SGCG: variants seen among roughly 807,000 people sequenced by gnomAD.
The protein encoded by SGCG is gamma-sarcoglycan.
In SGCG, 26 loss-of-function variants were observed where a neutral mutation model predicts 29.3. That is an observed-to-expected ratio of 0.89 (90% CI 0.65 to 1.23). The LOEUF (loss-of-function observed/expected upper bound fraction) is 1.23. Among genes scored for constraint, SGCG ranks in the 50% most tolerant of loss-of-function variants. The probability of loss-of-function intolerance (pLI) is 0.00; values close to 1 mark genes in which losing one functional copy is unlikely to be tolerated. For missense variants in SGCG, 353 were observed against 356.0 expected (o/e 0.99, Z 0.07); for synonymous variants, 145 against 129.7 (o/e 1.12, Z -0.80).
chr13:23,171,650 G>A, the SGCG span, among the ~76,000 whole-genome samples: 1 of 152,166 alleles, frequency 6.6e-6, no homozygotes, highest in East Asian at 1.9e-4. Context: ...GGACATAGGG[G>A]ATGGTTTCAG....
intron 5 of SGCG, among the ~76,000 whole-genome samples, chr13:23,288,214 A>G (rs984304339): frequency 6.6e-6 from 1 of 152,202 alleles, no homozygotes; most frequent in Non-Finnish European, 1.5e-5. Flanking sequence ...TTGACAGCCA[A>G]GGAAAGAGAA....
At chr13:23,238,189 A>G (rs1269816309) in intron 3 of SGCG, among the ~76,000 whole-genome samples, 2 of 152,164 alleles carry the variant, frequency 1.3e-5, no homozygotes, top group South Asian at 2.1e-4. Context: ...AGGGGAGCCA[A>G]TGCAGACACA....
At chr13:23,224,919 G>A (rs1435928589) in intron 2 of SGCG, among the ~76,000 whole-genome samples, 11 of 151,878 alleles carry the variant, frequency 7.2e-5, no homozygotes, top group Middle Eastern at 3.4e-3. Context: ...TGCTTCCAAC[G>A]TGCAGTCAAG....
At chr13:23,286,489 G>A (rs1020951178) in intron 5 of SGCG, among the ~76,000 whole-genome samples, 17 of 152,166 alleles carry the variant, frequency 1.1e-4, no homozygotes, top group Non-Finnish European at 2.2e-4. Context: ...GACTGACAAT[G>A]CCCTCAATTT....
At chr13:23,168,823 TA>T in the SGCG span, among the ~76,000 whole-genome samples, 1 of 151,234 alleles carries the variant, frequency 6.6e-6, no homozygotes, top group African/African-American at 2.5e-5. Context: ...TCCATTGTGT[TA>T]TTATCATATT....
intron 4 of SGCG, among the ~76,000 whole-genome samples, chr13:23,272,843 A>G (rs993479843): frequency 2.0e-5 from 3 of 152,144 alleles, no homozygotes; most frequent in Admixed American, 2.0e-4. Flanking sequence ...TTTAGCAATC[A>G]CTATTTCCCT....
chr13:23,177,170 T>C (rs1223756759), upstream of SGCG, among the ~76,000 whole-genome samples: 1 of 152,044 alleles, frequency 6.6e-6, no homozygotes, highest in African/African-American at 2.4e-5. Context: ...ACCTTAGAAG[T>C]TGATCTCCTA....
intron 1 of SGCG, among the ~76,000 whole-genome samples, chr13:23,192,081 T>A (rs1029445590): frequency 5.4e-5 from 8 of 148,278 alleles, no homozygotes; most frequent in African/African-American, 1.2e-4. Flanking sequence ...AGGCTGAGGC[T>A]GCAGAATGAC....
At chr13:23,171,917 A>T in the SGCG span, among the ~76,000 whole-genome samples, 1 of 152,178 alleles carries the variant, frequency 6.6e-6, no homozygotes, top group East Asian at 1.9e-4. Flanking sequence ...CCTCTGATCT[A>T]AGAGGCTGAG....
chr13:23,301,264 G>C (rs2137656266), intron 6 of SGCG, among the ~76,000 whole-genome samples: 1 of 151,968 alleles, frequency 6.6e-6, no homozygotes, highest in South Asian at 2.1e-4. Flanking sequence ...AAAATGAATA[G>C]AAATGAGGGA....
intron 6 of SGCG, among the ~76,000 whole-genome samples, chr13:23,316,165 G>T (rs901893860): frequency 6.6e-6 from 1 of 152,152 alleles, no homozygotes; most frequent in Non-Finnish European, 1.5e-5. Context: ...CACCATCCTT[G>T]GGGTGATAAG....
At chr13:23,269,600 A>G (rs1156917152) in intron 4 of SGCG, among the ~76,000 whole-genome samples, 2 of 152,206 alleles carry the variant, frequency 1.3e-5, no homozygotes, top group Admixed American at 1.3e-4. Flanking sequence ...TACTTACATG[A>G]GGATAGCATA....
intron 6 of SGCG, among the ~76,000 whole-genome samples, chr13:23,307,329 C>T (rs898710466): frequency 1.3e-5 from 2 of 152,178 alleles, no homozygotes; most frequent in African/African-American, 4.8e-5. Flanking sequence ...CTGTTCATTG[C>T]AGTGTCATTC....
intron 6 of SGCG, among the ~76,000 whole-genome samples, chr13:23,299,454 A>ATTTTTTTTTTTTT (rs1882057854): frequency 2.1e-4 from 9 of 42,670 alleles, no homozygotes; most frequent in Admixed American, 3.8e-4. Context: ...ATATATATAT[A>ATTTTTTTTTTTTT]TATTTTTTTT....
At position 23,299,820 on chromosome 13, in the gene SGCG, G is replaced by C. The variant is rs114483808; in HGVS notation, c.578+4333G>C. Among the ~76,000 whole-genome samples the C allele has an allele frequency of 7.0e-3, 1,059 of 152,170 alleles. 15 individuals are homozygous for C. The highest frequency in any genetic ancestry group is 0.025 in the African/African-American group (1,024 of 41,518). ...ATGAACGCTGACAAACTACCTTAAA[G>C]CAACCTTGCATTCACACATGATGTA... On this transcript the variant is annotated intron_variant, in intron 6 of 7. Coordinates refer to ENST00000218867, the MANE Select transcript of SGCG (RefSeq NM_000231.3).
In SGCG at chr13:23,310,545, C is replaced by G. The variant is rs184722218; in HGVS notation, c.579-10092C>G. 3.0e-4 allele frequency among the ~76,000 whole-genome samples: 46 copies of G among 152,134 alleles called. No homozygotes were observed. The East Asian group carries it at 7.7e-3, about 26-fold the overall frequency. On this transcript the variant is annotated intron_variant, in intron 6 of 7. Coordinates refer to ENST00000218867, the MANE Select transcript of SGCG (RefSeq NM_000231.3). ...GCAGCATTATGTTTCAGTTGTTTCT[C>G]TATGTTTCAAATTTTTTGGTTTGAG...
intron 1 of SGCG, among the ~76,000 whole-genome samples, chr13:23,183,397 G>A (rs1565990097): frequency 1.3e-5 from 2 of 152,112 alleles, no homozygotes; most frequent in Admixed American, 6.5e-5. Context: ...CCAGAAAGGA[G>A]CCCTAAGCAG....
At chr13:23,209,186 C>T (rs541723896) in intron 2 of SGCG, among the ~76,000 whole-genome samples, 6 of 151,990 alleles carry the variant, frequency 3.9e-5, no homozygotes, top group Non-Finnish European at 7.4e-5. Flanking sequence ...TAAAATACTT[C>T]GTTGATAAGT....
chr13:23,250,686 A>T lies in SGCG; in HGVS notation c.354A>T (p.Ser118=). ...ATGTGACTGTAAATGCGCGCAACTC[A>T]GAAGGGGAGGTCACAGGCAGGTTAA... ...TQNVTVNARN[S]EGEVTGRLKV... The change falls in exon 4 of 8, where the codon TCA becomes TCT. Residue 118 remains serine (S), a synonymous_variant. Coordinates refer to ENST00000218867, the MANE Select transcript of SGCG (RefSeq NM_000231.3). 6.2e-7 allele frequency: 1 copy of T among 1,612,226 alleles called. No homozygotes were observed. The highest frequency in any genetic ancestry group is 1.3e-5 in the African/African-American group (1 of 75,018).
Sources: allele counts gnomAD v4.1 joint callset (sites outside exome capture counted in the v4.1 genomes callset), GRCh38; gene constraint gnomAD v4.1.1; transcripts MANE v1.5; gene names NCBI Gene and HGNC (gene_info 2026-07-23, HGNC 2026-07-21).